The following COL21A1 variants were observed in gnomAD, a reference collection of about 807,000 sequenced individuals.
The protein encoded by COL21A1 is collagen alpha-1(XXI) chain.
In COL21A1, 149 loss-of-function variants were observed where a neutral mutation model predicts 137.9. The ratio of observed to expected loss-of-function variants is 1.08; its 90% CI spans 0.95 to 1.24. The LOEUF is 1.24. Ranked by LOEUF, COL21A1 falls within the 50% of genes most tolerant of loss-of-function variation. The probability of loss-of-function intolerance (pLI) is 0.00; values close to 1 mark genes in which losing one functional copy is unlikely to be tolerated. For missense variants in COL21A1, 1,167 were observed against 1,158.4 expected, an observed-to-expected ratio of 1.01 and a Z score of -0.11; for synonymous variants, 456 against 391.5, an observed-to-expected ratio of 1.16 and a Z score of -1.95.
chr6:56,147,208 G>A (rs1370496643), intron 10 of COL21A1, among the ~76,000 whole-genome samples: 1 of 152,068 alleles, frequency 6.6e-6, no homozygotes, highest in African/African-American at 2.4e-5. Context: ...CTCAAAGAGA[G>A]GCGATCAATA....
intron 1 of COL21A1, among the ~76,000 whole-genome samples, chr6:56,343,552 G>T (rs1268778286): frequency 6.6e-6 from 1 of 152,110 alleles, no homozygotes; most frequent in South Asian, 2.1e-4. Context: ...TTTGTTTGTG[G>T]CTCTTTACTC....
At chr6:56,375,519 C>T (rs930183928) in intron 1 of COL21A1, among the ~76,000 whole-genome samples, 3 of 152,128 alleles carry the variant, frequency 2.0e-5, no homozygotes, top group African/African-American at 7.2e-5. Flanking sequence ...AGTCACCTCC[C>T]CTTCTTCTTG....
intron 17 of COL21A1, among the ~76,000 whole-genome samples, chr6:56,083,725 C>G (rs552100569): frequency 1.3e-4 from 20 of 151,772 alleles, no homozygotes; most frequent in African/African-American, 4.8e-4. Context: ...AATACTAAGT[C>G]AATAATAATA....
At chr6:56,293,217 G>A (rs955538496) in intron 1 of COL21A1, among the ~76,000 whole-genome samples, 4 of 152,128 alleles carry the variant, frequency 2.6e-5, no homozygotes, top group African/African-American at 9.7e-5. Context: ...ATTAAGTAAT[G>A]TAAAAAGTGT....
intron 1 of COL21A1, among the ~76,000 whole-genome samples, chr6:56,204,532 G>C (rs962866840): frequency 2.6e-5 from 4 of 152,184 alleles, no homozygotes; most frequent in Non-Finnish European, 4.4e-5. Context: ...GCACCAGGGG[G>C]AAGTGGAGGC....
At chr6:56,084,539 A>C (rs1030662034) in intron 17 of COL21A1, among the ~76,000 whole-genome samples, 2 of 151,998 alleles carry the variant, frequency 1.3e-5, no homozygotes, top group Non-Finnish European at 2.9e-5. Flanking sequence ...AGTACTTAAG[A>C]TAAACTAAGT....
chr6:56,120,476 A>C (rs1772361138), intron 16 of COL21A1, among the ~76,000 whole-genome samples: 1 of 152,188 alleles, frequency 6.6e-6, no homozygotes, highest in South Asian at 2.1e-4. Context: ...AACCACTGTG[A>C]AGGACAGTTT....
At position 56,204,731 on chromosome 6, in the gene COL21A1, T is replaced by A. The variant is rs139081123; in HGVS notation, c.-38-22075A>T. Among the ~76,000 whole-genome samples, 630 of 152,232 alleles carry A rather than the reference T, an allele frequency of 4.1e-3. 11 individuals are homozygous for A. The highest frequency in any genetic ancestry group is 0.015 in the African/African-American group (603 of 41,534). ...TGACAGACACCTCATACAGGAGAGC[T>A]CTGGCTGGCATCTGGCAGATGCTGC... On this transcript the variant is annotated intron_variant, in intron 1 of 29. Coordinates refer to ENST00000244728, the MANE Select transcript of COL21A1 (RefSeq NM_030820.4).
intron 16 of COL21A1, among the ~76,000 whole-genome samples, chr6:56,107,879 T>TA (rs966832549): frequency 2.6e-5 from 4 of 152,084 alleles, no homozygotes; most frequent in Non-Finnish European, 5.9e-5. Context: ...AGATAAAGTG[T>TA]AAAAAGTATT....
chr6:56,096,864 A>G (rs1321278488), intron 17 of COL21A1, among the ~76,000 whole-genome samples: 1 of 152,104 alleles, frequency 6.6e-6, no homozygotes, highest in Non-Finnish European at 1.5e-5. Context: ...ACTACTTAAA[A>G]CCATTATTTC....
Position 56,158,272 on chromosome 6 carries a change from T to C in COL21A1, c.1372-1323A>G, listed in dbSNP as rs1387153097. Among the ~76,000 whole-genome samples, 118 of 129,038 alleles carry C rather than the reference T, an allele frequency of 9.1e-4. No homozygotes were observed. In the East Asian group the frequency reaches 0.02, roughly 22 times the overall value. The allele number at this position is 129,038 out of a possible 152,430, so 84.7% of individuals were successfully genotyped here. On this transcript the variant is annotated intron_variant, in intron 9 of 29. Coordinates refer to ENST00000244728, the MANE Select transcript of COL21A1 (RefSeq NM_030820.4). ...TTTTTTCTTTTTTTTTTTTCTTTTT[T>C]TTTTTTTTTTTTTTTTCTGAGATGG... is the stretch of plus-strand genomic sequence containing the variant.
chr6:56,372,445 G>T (rs984567411), intron 1 of COL21A1, among the ~76,000 whole-genome samples: 1 of 152,136 alleles, frequency 6.6e-6, no homozygotes, highest in Non-Finnish European at 1.5e-5. Flanking sequence ...ATGTGTCAAC[G>T]CATCAAGAGT....
intron 1 of COL21A1, among the ~76,000 whole-genome samples, chr6:56,215,970 G>A (rs921705037): frequency 6.6e-6 from 1 of 152,122 alleles, no homozygotes; most frequent in East Asian, 1.9e-4. Context: ...GTTCCTTGAG[G>A]GCAGAGTTTA....
upstream of COL21A1, among the ~76,000 whole-genome samples, chr6:56,251,716 T>C (rs971700485): frequency 6.6e-6 from 1 of 152,224 alleles, no homozygotes; most frequent in Admixed American, 6.5e-5. Context: ...ACCCAGGACA[T>C]AAATAGCTAA....
At chr6:56,152,750 T>A (rs1441461600) in intron 10 of COL21A1, among the ~76,000 whole-genome samples, 1 of 149,684 alleles carries the variant, frequency 6.7e-6, no homozygotes, top group East Asian at 1.9e-4. Context: ...TTCCAAACAT[T>A]ACCCAGGATT....
At chr6:56,062,011 T>A (rs1364411889) in intron 24 of COL21A1, among the ~76,000 whole-genome samples, 1 of 152,068 alleles carries the variant, frequency 6.6e-6, no homozygotes, top group African/African-American at 2.4e-5. Context: ...TAATAAAAAC[T>A]CAAATCAGAT....
intron 12 of COL21A1, among the ~76,000 whole-genome samples, chr6:56,129,320 CCCA>C (rs1384834738): frequency 2.0e-5 from 3 of 151,990 alleles, no homozygotes; most frequent in Non-Finnish European, 2.9e-5. Flanking sequence ...GATTCAGCTT[CCCA>C]GTATCCTAGA....
intron 1 of COL21A1, among the ~76,000 whole-genome samples, chr6:56,326,775 C>G (rs1765103700): frequency 6.6e-6 from 1 of 152,010 alleles, no homozygotes; most frequent in Admixed American, 6.6e-5. Context: ...CAATAAACAG[C>G]TCATCTGTTC....
At chr6:56,070,611 C>A (rs1169996093) in intron 21 of COL21A1, 134 bp downstream of exon 21, 13 of 553,930 alleles carry the variant, frequency 2.3e-5, no homozygotes, top group Non-Finnish European at 1.8e-5. Context: ...ATTTCAGGTA[C>A]CTTAATTTCA....
Sources: allele counts gnomAD v4.1 joint callset (sites outside exome capture counted in the v4.1 genomes callset), GRCh38; gene constraint gnomAD v4.1.1; transcripts MANE v1.5; gene names NCBI Gene and HGNC (gene_info 2026-07-23, HGNC 2026-07-21).